Variants in SH3RF2 observed in about 807,000 individuals in gnomAD.
SH3RF2 encodes E3 ubiquitin-protein ligase SH3RF2.
A neutral mutation model predicts 59.0 loss-of-function variants in SH3RF2; 43 were observed. The observed-to-expected ratio is 0.73, with a 90% CI of 0.57 to 0.94. The LOEUF (loss-of-function observed/expected upper bound fraction) is 0.94. SH3RF2 is among the 40% of genes least tolerant of loss of function. The pLI, the probability that SH3RF2 is intolerant of heterozygous loss-of-function variation, is 0.00. For missense variants in SH3RF2, 930 were observed against 940.1 expected, an observed-to-expected ratio of 0.99 and a Z score of 0.14; for synonymous variants, 391 against 391.5, an observed-to-expected ratio of 1.00 and a Z score of 0.01.
At chr5:145,964,737 A>G (rs1758794272) in intron 2 of SH3RF2, among the ~76,000 whole-genome samples, 2 of 152,282 alleles carry the variant, frequency 1.3e-5, no homozygotes, top group East Asian at 1.9e-4. Context: ...GTCCATTTTG[A>G]CTGTGGATCA....
intron 5 of SH3RF2, among the ~76,000 whole-genome samples, chr5:146,027,827 C>T (rs953931960): frequency 3.9e-5 from 6 of 152,144 alleles, no homozygotes; most frequent in African/African-American, 9.7e-5. Flanking sequence ...CTCCAGAAAG[C>T]GCCAGTACTC....
rs760745037 is a variant in SH3RF2, at chr5:145,938,113, C to A, written c.185C>A (p.Ala62Glu). Residue 62 changes from alanine to glutamate, a missense_variant, in exon 2 of 10, where the codon GCG (alanine) becomes GAG (glutamate). Coordinates refer to ENST00000359120, the MANE Select transcript of SH3RF2 (RefSeq NM_152550.4). ...CRTPVFSNIE[A>E]LPANLLLVRL... is the part of the protein sequence containing the mutation. ...ACGCCTGTGTTTTCCAACATTGAGG[C>A]GCTGCCGGCCAACCTGCTGCTCGTG... is the stretch of plus-strand genomic sequence containing the variant. The A allele has an allele frequency of 1.9e-6, 3 of 1,614,068 alleles. No homozygotes were observed. The African/African-American group carries it at 4.0e-5, about 22-fold the overall frequency.
downstream of SH3RF2, among the ~76,000 whole-genome samples, chr5:146,067,922 G>C (rs1035950003): frequency 6.6e-6 from 1 of 152,294 alleles, no homozygotes; most frequent in East Asian, 1.9e-4. Context: ...ATGCCATCCT[G>C]GTTGCTAAAT....
chr5:146,071,719 T>C (rs35283996), intron 9 of SH3RF2, among the ~76,000 whole-genome samples: 35,136 of 152,126 alleles, frequency 0.23, 5,109 homozygotes, highest in Admixed American at 0.34. Flanking sequence ...CACAGCTTTG[T>C]TACTAGCTAT....
At chr5:146,021,116 G>A (rs1240081161) in intron 5 of SH3RF2, among the ~76,000 whole-genome samples, 2 of 151,940 alleles carry the variant, frequency 1.3e-5, no homozygotes, top group Non-Finnish European at 2.9e-5. Flanking sequence ...GGTTCTCAGG[G>A]CTGCCATGAG....
intron 5 of SH3RF2, among the ~76,000 whole-genome samples, chr5:146,031,796 A>G (rs1761752754): frequency 6.6e-6 from 1 of 152,134 alleles, no homozygotes; most frequent in African/African-American, 2.4e-5. Flanking sequence ...CTGCACCCCT[A>G]AGCTTGAGGC....
exon 10 of SH3RF2, chr5:146,079,279 A>G (rs899548516): frequency 1.3e-5 from 2 of 152,218 alleles, no homozygotes; most frequent in East Asian, 3.8e-4. Context: ...AAGACATTCT[A>G]ATCCTTGTTT....
chr5:145,960,397 A>C (rs894609028), intron 2 of SH3RF2, among the ~76,000 whole-genome samples: 6 of 152,222 alleles, frequency 3.9e-5, no homozygotes, highest in African/African-American at 1.2e-4. Context: ...CCCAGAAAAG[A>C]AGCTCTACCG....
rs377323543 is a variant in SH3RF2, at chr5:146,059,929, G to A, written c.1619G>A (p.Arg540His). The change falls in exon 9 of 10, where the codon CGC (arginine) becomes CAC (histidine). Residue 540 changes from arginine to histidine, a missense_variant. Physicochemically the swap from Arg to His is conservative, Grantham distance 29. Coordinates refer to ENST00000359120, the MANE Select transcript of SH3RF2 (RefSeq NM_152550.4). ...IPTLVVGSLR[R>H]SPTMVLRPQQ... The stretch of plus-strand genomic sequence containing the variant: ...ACTCTCGTGGTAGGCTCCCTCAGAC[G>A]CAGCCCCACCATGGTCCTTCGGCCT... 3.4e-4 allele frequency: 515 copies of A among 1,510,754 alleles called. 3 individuals are homozygous for A. The South Asian group carries it at 5.8e-3, about 17-fold the overall frequency. The allele number at this position is 1,510,754 out of a possible 1,614,324, so 93.6% of individuals were successfully genotyped here. A position where few individuals can be genotyped will look rare whatever the true frequency, so the allele number is the denominator to read the frequency against.
chr5:146,017,361 T>C (rs1383643525), intron 5 of SH3RF2, among the ~76,000 whole-genome samples: 1 of 134,692 alleles, frequency 7.4e-6, no homozygotes, highest in Non-Finnish European at 1.7e-5. Context: ...CCTTCAGAAA[T>C]GCCTCTTTGG....
chr5:145,966,720 T>C (rs879840899), intron 2 of SH3RF2, among the ~76,000 whole-genome samples: 1 of 152,008 alleles, frequency 6.6e-6, no homozygotes, highest in Non-Finnish European at 1.5e-5. Context: ...AGGGAAAAAA[T>C]AGATATAATT....
chr5:145,973,207 G>A (rs1759154522), intron 2 of SH3RF2, among the ~76,000 whole-genome samples: 1 of 152,164 alleles, frequency 6.6e-6, no homozygotes. Flanking sequence ...AGGTAAGACA[G>A]AACTCAGAAA....
chr5:145,994,399 C>T (rs1044236064), intron 2 of SH3RF2, among the ~76,000 whole-genome samples: 7 of 152,120 alleles, frequency 4.6e-5, no homozygotes, highest in African/African-American at 1.4e-4. Flanking sequence ...TCTACTTGTA[C>T]CAATTTATTG....
rs544269024 is a variant in SH3RF2, at chr5:145,948,739, G to T, written c.378+10433G>T. The stretch of plus-strand genomic sequence containing the variant: ...CAGTGTAGCCTCTGTTCCTCCGGAA[G>T]TCAGCCCTCTGTCCCAAACCCAGGT... On this transcript the variant is annotated intron_variant, in intron 2 of 9. Transcript: ENST00000359120. 3.5e-4 allele frequency among the ~76,000 whole-genome samples: 53 copies of T among 152,296 alleles called. No homozygotes were observed. In the East Asian group the frequency reaches 7.5e-3, roughly 22 times the overall value.
chr5:145,943,370 A>C (rs1757892177), intron 2 of SH3RF2, among the ~76,000 whole-genome samples: 1 of 152,206 alleles, frequency 6.6e-6, no homozygotes, highest in African/African-American at 2.4e-5. Flanking sequence ...GGGCAGAATG[A>C]GGTGATAGAA....
In SH3RF2 at chr5:145,938,242, A is replaced by C. The variant is rs1435580284; in HGVS notation, c.314A>C (p.Asn105Thr). The change falls in exon 2 of 10, where the codon AAC (asparagine) becomes ACC (threonine). Residue 105 changes from asparagine (N) to threonine (T), a missense_variant. Coordinates refer to ENST00000359120, the MANE Select transcript of SH3RF2 (RefSeq NM_152550.4). ...TLQDGRKSRT[N>T]PRRLQASPFR... ...CAGGATGGCAGGAAAAGCAGGACCA[A>C]CCCCAGACGTCTGCAGGCCAGTCCT... 1.4e-5 allele frequency: 22 copies of C among 1,608,886 alleles called. No homozygotes were observed. Among genetic ancestry groups the C allele is most frequent in the African/African-American group, 8.0e-5 (6 of 74,920 alleles).
chr5:146,027,890 CCCGAGGTCCT>C (rs1761588151), intron 5 of SH3RF2, among the ~76,000 whole-genome samples: 1 of 152,208 alleles, frequency 6.6e-6, no homozygotes, highest in African/African-American at 2.4e-5. Context: ...GCCCAACCTC[CCCGAGGTCCT>C]CGGTCTGGTT....
chr5:145,946,506 C>T (rs975764737), intron 2 of SH3RF2, among the ~76,000 whole-genome samples: 1 of 152,104 alleles, frequency 6.6e-6, no homozygotes, highest in Non-Finnish European at 1.5e-5. Flanking sequence ...CATTACAGAG[C>T]TATTTGAGAA....
intron 5 of SH3RF2, among the ~76,000 whole-genome samples, chr5:146,032,308 G>A (rs1032120391): frequency 9.2e-5 from 14 of 152,116 alleles, no homozygotes; most frequent in African/African-American, 2.9e-4. Context: ...TCTCCCAGTG[G>A]TGGACTTAGG....
Sources: allele counts gnomAD v4.1 joint callset (sites outside exome capture counted in the v4.1 genomes callset), GRCh38; gene constraint gnomAD v4.1.1; transcripts MANE v1.5; gene names NCBI Gene and HGNC (gene_info 2026-07-23, HGNC 2026-07-21).